PIAS4: variants seen among roughly 807,000 people sequenced by gnomAD.
PIAS4 encodes the protein protein inhibitor of activated STAT 4.
PIAS4 carries 7 observed loss-of-function variants against 58.0 expected under a neutral mutation model. The observed-to-expected ratio is 0.12, with a 90% CI of 0.07 to 0.23. The LOEUF is 0.23. PIAS4 is among the 10% of genes least tolerant of loss of function. The pLI is 1.00. For synonymous variants in PIAS4, 364 were observed against 312.4 expected, an observed-to-expected ratio of 1.17 and a Z score of -1.74; for missense variants, 550 against 709.5, an observed-to-expected ratio of 0.78 and a Z score of 2.55.
intron 1 of PIAS4, 103 bp from the exon 2 acceptor site, chr19:4,012,820 G>C (rs550417869): frequency 7.7e-7 from 1 of 1,293,254 alleles, no homozygotes; most frequent in African/African-American, 1.5e-5. Context: ...GCTTCCTGGC[G>C]AGTGGGTGTC....
intron 2 of PIAS4, among the ~76,000 whole-genome samples, chr19:4,018,075 G>C (rs1235518292): frequency 6.6e-6 from 1 of 152,236 alleles, no homozygotes; most frequent in Non-Finnish European, 1.5e-5. Context: ...GCCTCCCAAA[G>C]TGCTGGGATT....
chr19:4,035,499 TG>T lies in PIAS4; in HGVS notation c.1143-1871del, dbSNP rs1370781312. Among the ~76,000 whole-genome samples the T allele has an allele frequency of 1.1e-4, 16 of 152,100 alleles. 1 individual carries two copies. ...AGCCTCTGTTTCTGCATTTGTAAAA[TG>T]GGGCTGGTAGGACCTCCGAGTAAAA... On this transcript the variant is annotated intron_variant, in intron 9 of 10. Coordinates refer to ENST00000262971, the MANE Select transcript of PIAS4 (RefSeq NM_015897.4).
At chr19:4,032,209 T>TTG (rs2144936859) in intron 7 of PIAS4, among the ~76,000 whole-genome samples, 1 of 141,234 alleles carries the variant, frequency 7.1e-6, no homozygotes, top group East Asian at 2.1e-4. Flanking sequence ...CTGGGGGGAG[T>TTG]GGGGGGGCAG....
At chr19:4,032,974 G>C (rs2040236322) in intron 7 of PIAS4, 126 bp from the exon 8 acceptor site, 1 of 755,498 alleles carries the variant, frequency 1.3e-6, no homozygotes, top group African/African-American at 1.7e-5. Context: ...ACACAGCGAA[G>C]CTTGGGACTC....
Position 4,038,644 on chromosome 19 carries a change from C to G in PIAS4, c.*769C>G, listed in dbSNP as rs1599238131. ...GCGTGGGGGGGTCTCAGTTTTCTAG[C>G]CAGCTACCTCGGTAATTCCAATTCA... On this transcript the variant is annotated 3_prime_UTR_variant, in exon 11 of 11. Coordinates refer to ENST00000262971, the MANE Select transcript of PIAS4 (RefSeq NM_015897.4). This position sits in a 1 kb window ranked among gnomAD's most constrained non-coding sequence, Gnocchi z 4.1. 1 of 152,934 alleles carries G rather than the reference C, an allele frequency of 6.5e-6. No homozygotes were observed. The highest frequency in any genetic ancestry group is 2.4e-5 in the African/African-American group (1 of 41,390). 9.5% of individuals were successfully genotyped at this position (152,934 alleles called of 1,614,324 possible).
In PIAS4 at chr19:4,024,132, C is replaced by A; in HGVS notation, c.539+12C>A. 6.2e-7 allele frequency: 1 copy of A among 1,602,950 alleles called. No individual in the cohort carries two copies. On this transcript the variant is annotated intron_variant, in intron 3 of 10. Coordinates refer to ENST00000262971, the MANE Select transcript of PIAS4 (RefSeq NM_015897.4). ...ATCCGGAACTCCAGGTGTGCGGCAC[C>A]TCCCCCAGCCCAGCACCCCACCGCC...
chr19:4,023,441 CAG>C (rs2040130750), intron 2 of PIAS4, among the ~76,000 whole-genome samples: 1 of 152,190 alleles, frequency 6.6e-6, no homozygotes, highest in Admixed American at 6.5e-5. Flanking sequence ...GCCTGGGCGA[CAG>C]GGTAAAACTC....
At chr19:4,019,280 G>A (rs1293644321) in intron 2 of PIAS4, among the ~76,000 whole-genome samples, 1 of 152,280 alleles carries the variant, frequency 6.6e-6, no homozygotes, top group African/African-American at 2.4e-5. Context: ...AGCGGCCCGG[G>A]GCCAGTGGCA....
intron 2 of PIAS4, among the ~76,000 whole-genome samples, chr19:4,018,069 C>T (rs1212027517): frequency 2.0e-5 from 3 of 152,236 alleles, no homozygotes; most frequent in South Asian, 4.1e-4. Context: ...GCCTCGGCCT[C>T]CCAAAGTGCT....
Position 4,037,622 on chromosome 19 carries a change from C to T in PIAS4, c.1280C>T (p.Ser427Leu), listed in dbSNP as rs148794749. The T allele has an allele frequency of 4.0e-5, 64 of 1,610,244 alleles. No individual in the cohort carries two copies. Among genetic ancestry groups the T allele is most frequent in the African/African-American group, 1.9e-4 (14 of 74,928 alleles). Residue 427 changes from serine to leucine, a missense_variant, in exon 11 of 11, where the codon TCG becomes TTG. Physicochemically the swap from Ser to Leu is moderately radical, Grantham distance 145 (BLOSUM62 -2). Around this residue, in one of 4 missense-constraint regions of PIAS4, gnomAD observed 188 missense variants for 192.0 expected, o/e 0.98. Coordinates refer to ENST00000262971, the MANE Select transcript of PIAS4 (RefSeq NM_015897.4). The surrounding 1 kb of genome is among the most constrained non-coding windows in gnomAD (Gnocchi z 5.8). ...CTGTCCCTGTTGCCCGTAGGCCCCTCGGACGCCAATGGGCTCCTGCCCGCC... is the reference window on the plus strand; with the variant it reads ...CTGTCCCTGTTGCCCGTAGGCCCCTTGGACGCCAATGGGCTCCTGCCCGCC... The part of the protein sequence containing the change: ...PQGAILVLGP[S>L]DANGLLPAPS...
At chr19:4,024,558 C>T (rs181054383) in intron 3 of PIAS4, among the ~76,000 whole-genome samples, 12 of 152,338 alleles carry the variant, frequency 7.9e-5, no homozygotes, top group African/African-American at 2.6e-4. Flanking sequence ...GGGGATTCCA[C>T]GTATCCCCAA....
intron 1 of PIAS4, among the ~76,000 whole-genome samples, chr19:4,012,443 T>C (rs2040005301): frequency 1.3e-5 from 2 of 152,106 alleles, no homozygotes; most frequent in African/African-American, 4.8e-5. Flanking sequence ...TGGCTACCGT[T>C]GGCGAGACCG....
At chr19:4,035,851 T>C (rs1318698554) in intron 9 of PIAS4, among the ~76,000 whole-genome samples, 11 of 62,708 alleles carry the variant, frequency 1.8e-4, no homozygotes, top group Admixed American at 5.8e-4. Context: ...CCCGCACACA[T>C]CCATACAGTC....
chr19:4,017,709 TCTGA>T (rs1169983031), intron 2 of PIAS4: 1 of 116,114 alleles, frequency 8.6e-6, no homozygotes, highest in Non-Finnish European at 1.7e-5. Flanking sequence ...TGAGATGGAG[TCTGA>T]CTGTCGCCCG....
chr19:4,013,378 C>A lies in PIAS4; in HGVS notation c.454+29C>A. ...AGTGGTCACCCTGGGGAGGCTGCGA[C>A]TGGAGGCTTCACCTAGGCCCCGTCG... On this transcript the variant is annotated intron_variant, in intron 2 of 10. Transcript: ENST00000262971. The surrounding 1 kb of genome is among the most constrained non-coding windows in gnomAD (Gnocchi z 5.1). 5.1e-6 allele frequency: 8 copies of A among 1,583,996 alleles called. No homozygotes were observed. The highest frequency in any genetic ancestry group is 6.9e-6 in the Non-Finnish European group (8 of 1,159,466).
intron 2 of PIAS4, among the ~76,000 whole-genome samples, chr19:4,016,862 AGAGGCT>A (rs1568213654): frequency 2.0e-5 from 3 of 152,284 alleles, no homozygotes; most frequent in East Asian, 3.9e-4. Context: ...CGCGGGCGGC[AGAGGCT>A]GGAACCCGAG....
In PIAS4 at chr19:4,028,146, G is replaced by C; in HGVS notation, c.540G>C (p.Arg180Ser). ...PRQVELIRNS[R>S]ELQPGVKAVQ... ...CCTCTGGTTTGCTCCACACCCACAG[G>C]GAACTGCAGCCCGGAGTTAAAGCCG... is the stretch of plus-strand genomic sequence containing the variant. Residue 180 changes from arginine (R) to serine (S), a missense_variant and splice_region_variant, in exon 4 of 11, where the codon AGG (arginine) becomes AGC (serine). This residue lies in a region of PIAS4 where 225 missense variants were observed against 345.8 expected (regional missense o/e 0.65). Coordinates refer to ENST00000262971, the MANE Select transcript of PIAS4 (RefSeq NM_015897.4). 2.5e-6 allele frequency: 4 copies of C among 1,613,550 alleles called. No individual in the cohort carries two copies. The highest frequency in any genetic ancestry group is 3.4e-6 in the Non-Finnish European group (4 of 1,179,904).
At chr19:4,032,840 G>T (rs1021950859) in intron 7 of PIAS4, among the ~76,000 whole-genome samples, 8 of 152,214 alleles carry the variant, frequency 5.3e-5, no homozygotes, top group African/African-American at 1.7e-4. Flanking sequence ...CACGCAGGGT[G>T]GGGGAGGCCA....
chr19:4,026,006 G>A (rs141391470), intron 3 of PIAS4, among the ~76,000 whole-genome samples: 6,990 of 144,442 alleles, frequency 0.048, 598 homozygotes, highest in African/African-American at 0.18. Context: ...CCCGGGAGGC[G>A]GAGCTTGCAG....
Sources: allele counts gnomAD v4.1 joint callset (sites outside exome capture counted in the v4.1 genomes callset), GRCh38; gene constraint gnomAD v4.1.1; regional missense constraint gnomAD v4.1.1; non-coding constraint Gnocchi (gnomAD v3.1); transcripts MANE v1.5; gene names NCBI Gene and HGNC (gene_info 2026-07-23, HGNC 2026-07-21).